The following GRID2 variants were observed in gnomAD, a reference collection of about 807,000 sequenced individuals.
GRID2 encodes glutamate ionotropic receptor delta type subunit 2.
Under a neutral mutation model 114.8 loss-of-function variants are expected in GRID2, and 33 were observed. That is an observed-to-expected ratio of 0.29 (90% CI 0.22 to 0.38). The LOEUF (loss-of-function observed/expected upper bound fraction) is 0.38. Ranked by LOEUF, GRID2 falls within the 10% of genes least tolerant of loss-of-function variation. The pLI is 1.00. For missense variants in GRID2, 1,184 were observed against 1,257.7 expected, an observed-to-expected ratio of 0.94 and a Z score of 0.89; for synonymous variants, 505 against 449.9, an observed-to-expected ratio of 1.12 and a Z score of -1.55.
At chr4:93,456,026 TC>T (rs754165068) in intron 11 of GRID2, 52 bp downstream of exon 11, 6 of 1,045,190 alleles carry the variant, frequency 5.7e-6, no homozygotes, top group Non-Finnish European at 8.9e-6. Flanking sequence ...ATGTGATGTT[TC>T]CAAAGCCATG....
At chr4:93,038,801 A>T (rs1379595213) in intron 2 of GRID2, among the ~76,000 whole-genome samples, 6 of 151,818 alleles carry the variant, frequency 4.0e-5, no homozygotes. Flanking sequence ...AAAAGAAAAA[A>T]AAAAGGTCAG....
At chr4:92,539,156 TACTC>T (rs1725802882) in intron 1 of GRID2, among the ~76,000 whole-genome samples, 1 of 152,130 alleles carries the variant, frequency 6.6e-6, no homozygotes, top group Non-Finnish European at 1.5e-5. Flanking sequence ...ATTTTATTAA[TACTC>T]AGGATGAGAA....
chr4:92,375,668 T>C (rs549225079), intron 1 of GRID2, among the ~76,000 whole-genome samples: 1 of 152,270 alleles, frequency 6.6e-6, no homozygotes, highest in South Asian at 2.1e-4. Flanking sequence ...ACATTGGAGA[T>C]GTTGGAAATA....
intron 14 of GRID2, among the ~76,000 whole-genome samples, chr4:93,706,727 C>T (rs968435502): frequency 6.6e-5 from 10 of 152,140 alleles, no homozygotes; most frequent in African/African-American, 2.4e-4. Flanking sequence ...CCTGATTGCT[C>T]TAGCAAGGAC....
intron 2 of GRID2, among the ~76,000 whole-genome samples, chr4:92,985,246 C>G (rs969693876): frequency 3.5e-5 from 5 of 143,678 alleles, no homozygotes; most frequent in Non-Finnish European, 6.0e-5. Context: ...TTTTTTGAGA[C>G]GGAGTCTCGC....
intron 3 of GRID2, among the ~76,000 whole-genome samples, chr4:93,091,722 T>C (rs114273747): frequency 0.018 from 2,719 of 152,248 alleles, 33 homozygotes; most frequent in Middle Eastern, 0.054. Context: ...AGACTGATTG[T>C]GTCCCCCACT....
chr4:92,958,655 T>C (rs1357959325), intron 2 of GRID2, among the ~76,000 whole-genome samples: 1 of 152,072 alleles, frequency 6.6e-6, no homozygotes, highest in African/African-American at 2.4e-5. Context: ...CTTTATCTGA[T>C]TTTAGTATTC....
At chr4:92,694,796 G>T (rs879809754) in intron 2 of GRID2, among the ~76,000 whole-genome samples, 2 of 152,094 alleles carry the variant, frequency 1.3e-5, no homozygotes, top group Non-Finnish European at 2.9e-5. Flanking sequence ...CAGAAGTGAG[G>T]TTCCTCAGAT....
In GRID2 at chr4:93,216,873, T is replaced by G; in HGVS notation, c.925T>G (p.Leu309Val). ...FRGNHRISST[L>V]CDPKDPFAQN... ...TGGCAACCATCGAATATCTTCAACA[T>G]TGTGTGATCCAAAGGATCCATTTGC... Residue 309 changes from leucine to valine, a missense_variant, in exon 6 of 16, where the codon TTG becomes GTG. Leu to Val is a conservative substitution (Grantham distance 32). Transcript: ENST00000282020. The G allele has an allele frequency of 6.2e-7, 1 of 1,613,040 alleles. No homozygotes were observed. Among genetic ancestry groups the G allele is most frequent in the Non-Finnish European group, 8.5e-7 (1 of 1,179,104 alleles).
chr4:93,465,107 C>A (rs1580161631), intron 11 of GRID2, among the ~76,000 whole-genome samples: 2 of 152,150 alleles, frequency 1.3e-5, no homozygotes, highest in East Asian at 1.9e-4. Context: ...AGGAAGCATG[C>A]AGCTCCATCA....
Position 92,938,513 on chromosome 4 carries a change from A to T in GRID2, c.245-146482A>T, listed in dbSNP as rs78253985. ...TGAGATGGTTAAAGTACAGTATAGT[A>T]ACAACCCTAGCTATGTAATATTAAG... is the stretch of plus-strand genomic sequence containing the variant. On this transcript the variant is annotated intron_variant, in intron 2 of 15. Coordinates refer to ENST00000282020, the MANE Select transcript of GRID2 (RefSeq NM_001510.4). 5.6e-3 allele frequency among the ~76,000 whole-genome samples: 815 copies of T among 146,834 alleles called. 31 individuals carry two copies. Among genetic ancestry groups the T allele is most frequent in the African/African-American group, 0.019 (770 of 41,282 alleles).
chr4:93,295,222 T>G (rs1177099036), intron 8 of GRID2, among the ~76,000 whole-genome samples: 1 of 151,978 alleles, frequency 6.6e-6, no homozygotes, highest in Non-Finnish European at 1.5e-5. Context: ...TGGGGAAGAT[T>G]TAAAATAAAT....
chr4:93,164,295 G>A (rs1738045278), intron 4 of GRID2, among the ~76,000 whole-genome samples: 1 of 152,062 alleles, frequency 6.6e-6, no homozygotes, highest in Admixed American at 6.6e-5. Flanking sequence ...ACCCTGGTTT[G>A]ATTTTCTTCT....
chr4:93,519,720 T>A (rs1343489232), intron 13 of GRID2, among the ~76,000 whole-genome samples: 1 of 152,150 alleles, frequency 6.6e-6, no homozygotes, highest in Admixed American at 6.6e-5. Flanking sequence ...GAATAATACT[T>A]CAGACTATGA....
chr4:92,397,606 C>A (rs1351828486), intron 1 of GRID2, among the ~76,000 whole-genome samples: 1 of 152,000 alleles, frequency 6.6e-6, no homozygotes, highest in Non-Finnish European at 1.5e-5. Context: ...TAGCATAAAA[C>A]AACTATGTTA....
At chr4:93,623,562 A>G (rs769083906) in intron 13 of GRID2, among the ~76,000 whole-genome samples, 2 of 152,218 alleles carry the variant, frequency 1.3e-5, no homozygotes, top group African/African-American at 2.4e-5. Flanking sequence ...ACTATTCACA[A>G]TAGCAAAGAC....
intron 14 of GRID2, among the ~76,000 whole-genome samples, chr4:93,674,131 T>C (rs13144668): frequency 0.33 from 50,710 of 152,002 alleles, 8,718 homozygotes; most frequent in East Asian, 0.59. Flanking sequence ...CATCCTGTCA[T>C]TGCTGCTAGG....
intron 4 of GRID2, among the ~76,000 whole-genome samples, chr4:93,166,661 T>A (rs1738279899): frequency 6.6e-6 from 1 of 152,120 alleles, no homozygotes; most frequent in Non-Finnish European, 1.5e-5. Context: ...AGAAGCCTCA[T>A]GTAGGGATAA....
rs546568638 is a variant in GRID2, at chr4:92,918,533, C to A, written c.245-166462C>A. ...TATTTTGAGATATGTCCCATCAATA[C>A]CGAATTTATGGAGAGTTTTTAGCAT... is the stretch of plus-strand genomic sequence containing the variant. On this transcript the variant is annotated intron_variant, in intron 2 of 15. Transcript: ENST00000282020. Among the ~76,000 whole-genome samples, 212 of 152,206 alleles carry A rather than the reference C, an allele frequency of 1.4e-3. 1 individual carries two copies. The highest frequency in any genetic ancestry group is 4.9e-3 in the African/African-American group (204 of 41,546).
Sources: allele counts gnomAD v4.1 joint callset (sites outside exome capture counted in the v4.1 genomes callset), GRCh38; gene constraint gnomAD v4.1.1; transcripts MANE v1.5; gene names NCBI Gene and HGNC (gene_info 2026-07-23, HGNC 2026-07-21).